GFRA1: variants seen among roughly 807,000 people sequenced by gnomAD.
GFRA1 encodes GDNF family receptor alpha-1.
Under a neutral mutation model 51.6 loss-of-function variants are expected in GFRA1, and 16 were observed. The ratio of observed to expected loss-of-function variants is 0.31; its 90% CI spans 0.21 to 0.47. The LOEUF (loss-of-function observed/expected upper bound fraction) is 0.47. GFRA1 is among the 20% of genes least tolerant of loss of function. The pLI is 1.00. For synonymous variants in GFRA1, 270 were observed against 241.3 expected (o/e 1.12, Z -1.10); for missense variants, 530 against 594.3 (o/e 0.89, Z 1.13).
chr10:116,127,546 G>C (rs964585423), intron 5 of GFRA1, among the ~76,000 whole-genome samples: 5 of 152,228 alleles, frequency 3.3e-5, no homozygotes, highest in Admixed American at 1.3e-4. Flanking sequence ...TGGAGTACAG[G>C]AAGTTGGCAG....
intron 6 of GFRA1, among the ~76,000 whole-genome samples, chr10:116,116,676 TC>T (rs1957424097): frequency 6.6e-6 from 1 of 152,248 alleles, no homozygotes; most frequent in South Asian, 2.1e-4. Context: ...GGTATTTTTT[TC>T]CTATTTGTAG....
At chr10:116,179,448 A>G (rs1961990068) in intron 5 of GFRA1, among the ~76,000 whole-genome samples, 1 of 152,202 alleles carries the variant, frequency 6.6e-6, no homozygotes, top group East Asian at 1.9e-4. Flanking sequence ...TACTACAATA[A>G]GAAAACTGAA....
intron 5 of GFRA1, among the ~76,000 whole-genome samples, chr10:116,131,221 T>A (rs1958089982): frequency 6.6e-6 from 1 of 152,168 alleles, no homozygotes; most frequent in Admixed American, 6.5e-5. Context: ...TGAGATACAC[T>A]CTACACTCAC....
intron 4 of GFRA1, among the ~76,000 whole-genome samples, chr10:116,230,458 G>A (rs764197040): frequency 7.2e-5 from 11 of 152,148 alleles, no homozygotes; most frequent in Non-Finnish European, 1.6e-4. Flanking sequence ...TTTCCAAGAT[G>A]GAAATTATCT....
intron 4 of GFRA1, among the ~76,000 whole-genome samples, chr10:116,238,781 T>G (rs1348341876): frequency 6.6e-6 from 1 of 152,246 alleles, no homozygotes; most frequent in Non-Finnish European, 1.5e-5. Flanking sequence ...AACTTTCAAC[T>G]ATTGACATGC....
At chr10:116,202,172 G>A (rs1444761424) in intron 5 of GFRA1, among the ~76,000 whole-genome samples, 1 of 152,174 alleles carries the variant, frequency 6.6e-6, no homozygotes, top group African/African-American at 2.4e-5. Flanking sequence ...GCTCAATCGG[G>A]TGTGGGAAGC....
At chr10:116,092,124 C>T (rs183157610) in intron 8 of GFRA1, among the ~76,000 whole-genome samples, 9,297 of 151,536 alleles carry the variant, frequency 0.061, 325 homozygotes, top group Middle Eastern at 0.099. Context: ...CACACACACA[C>T]ACACACACAC....
intron 5 of GFRA1, among the ~76,000 whole-genome samples, chr10:116,197,659 C>T (rs763776928): frequency 6.6e-6 from 1 of 152,092 alleles, no homozygotes; most frequent in Non-Finnish European, 1.5e-5. Context: ...TCTGAGGTTC[C>T]AGGTGGACAT....
chr10:116,109,006 A>G (rs1267596201), intron 6 of GFRA1, among the ~76,000 whole-genome samples: 4 of 152,210 alleles, frequency 2.6e-5, no homozygotes, highest in Non-Finnish European at 5.9e-5. Flanking sequence ...TAACAGGTGC[A>G]GAGGAGAAAC....
At chr10:116,217,335 CT>C (rs1965631582) in intron 4 of GFRA1, among the ~76,000 whole-genome samples, 1 of 152,204 alleles carries the variant, frequency 6.6e-6, no homozygotes. Context: ...TAGGGATAAG[CT>C]TTTTCCCTAC....
chr10:116,186,362 C>T (rs1206322741), intron 5 of GFRA1, among the ~76,000 whole-genome samples: 2 of 152,154 alleles, frequency 1.3e-5, no homozygotes, highest in African/African-American at 4.8e-5. Context: ...GAGAGAAAAG[C>T]CACGTTACTT....
intron 5 of GFRA1, among the ~76,000 whole-genome samples, chr10:116,190,531 G>C (rs1289855887): frequency 6.6e-6 from 1 of 152,168 alleles, no homozygotes; most frequent in Admixed American, 6.5e-5. Context: ...GCAGAAGCCT[G>C]AAGAATGCTG....
Position 116,080,775 on chromosome 10 carries a change from G to A in GFRA1, c.1197+8966C>T, listed in dbSNP as rs150646666. The stretch of plus-strand genomic sequence containing the variant: ...ACCATGGGTCACAGGGTTGGGACTT[G>A]AGCCACAGTAGGTCAGCCTGACTTC... On this transcript the variant is annotated intron_variant, in intron 9 of 10. Coordinates refer to ENST00000355422, the MANE Select transcript of GFRA1 (RefSeq NM_005264.8). Among the ~76,000 whole-genome samples the A allele has an allele frequency of 3.6e-3, 544 of 152,302 alleles. 7 individuals are homozygous for A. The highest frequency in any genetic ancestry group is 0.023 in the Admixed American group (350 of 15,306).
intron 5 of GFRA1, among the ~76,000 whole-genome samples, chr10:116,158,143 TC>T (rs1325866424): frequency 1.3e-5 from 2 of 152,130 alleles, no homozygotes; most frequent in Non-Finnish European, 2.9e-5. Context: ...TCACTTCCCC[TC>T]ACCAGCAAAG....
chr10:116,238,268 G>A (rs970483961), intron 4 of GFRA1, among the ~76,000 whole-genome samples: 4 of 152,110 alleles, frequency 2.6e-5, no homozygotes, highest in African/African-American at 4.8e-5. Flanking sequence ...GGGGAACGCC[G>A]CCTGCCAGGT....
At chr10:116,266,748 T>A (rs973941880) in intron 4 of GFRA1, among the ~76,000 whole-genome samples, 1 of 152,216 alleles carries the variant, frequency 6.6e-6, no homozygotes, top group African/African-American at 2.4e-5. Context: ...TGCAGAAGAA[T>A]GTCCAATACT....
In GFRA1 at chr10:116,093,805, G is replaced by A. The variant is rs1430898062; in HGVS notation, c.912C>T (p.Ser304=). 1 of 1,614,036 alleles carries A rather than the reference G, an allele frequency of 6.2e-7. No individual in the cohort carries two copies. The highest frequency in any genetic ancestry group is 8.5e-7 in the Non-Finnish European group (1 of 1,179,882). ...GTVMTPNYID[S]SSLSVAPWCD... ...ACCATGGGGCCACACTGAGGCTACT[G>A]GAGTCTATGTAGTTGGGGGTCATGA... Residue 304 remains serine (S), a synonymous_variant, in exon 8 of 11, where the codon TCC becomes TCT. Transcript: ENST00000355422.
At chr10:116,085,728 T>G (rs1174677913) in intron 9 of GFRA1, among the ~76,000 whole-genome samples, 1 of 152,168 alleles carries the variant, frequency 6.6e-6, no homozygotes, top group African/African-American at 2.4e-5. Flanking sequence ...CTTTCAACCA[T>G]TCTTCATAGA....
chr10:116,092,095 G>GCACACACACACACACACA (rs1555147064), intron 8 of GFRA1, among the ~76,000 whole-genome samples: 1 of 36,090 alleles, frequency 2.8e-5, no homozygotes, highest in Non-Finnish European at 8.2e-5. Flanking sequence ...ACATACATAC[G>GCACACACACACACACACA]TACACACACA....
Sources: gnomAD v4.1 joint callset for allele counts (sites outside exome capture counted in the v4.1 genomes callset) on GRCh38, gnomAD v4.1.1 for gene constraint, MANE v1.5 for transcripts, NCBI Gene and HGNC (gene_info 2026-07-23, HGNC 2026-07-21) for gene names.